ESRRG: variants seen among roughly 807,000 people sequenced by gnomAD.
The protein encoded by ESRRG is estrogen related receptor gamma.
In ESRRG, 13 loss-of-function variants were observed where a neutral mutation model predicts 44.0. That is an observed-to-expected ratio of 0.30 (90% CI 0.19 to 0.47). The LOEUF (loss-of-function observed/expected upper bound fraction) is 0.47, where lower values mean the gene tolerates loss of function less well. ESRRG is among the 20% of genes least tolerant of loss of function. ESRRG has a pLI of 1.00. For synonymous variants in ESRRG, 215 were observed against 214.6 expected, an observed-to-expected ratio of 1.00 and a Z score of -0.02; for missense variants, 395 against 580.6, an observed-to-expected ratio of 0.68 and a Z score of 3.29.
At chr1:216,758,841 T>G (rs558502256) in intron 2 of ESRRG, among the ~76,000 whole-genome samples, 25 of 152,190 alleles carry the variant, frequency 1.6e-4, no homozygotes, top group African/African-American at 6.0e-4. Flanking sequence ...TAATCACTAG[T>G]ATCTTAATAA....
In ESRRG at chr1:216,535,025, G is replaced by A. The variant is rs138351897; in HGVS notation, c.863-15604C>T. ...AAGCAGCAGGATGCATGGAGGCTGA[G>A]TGTGGGGTTGATGACTGACAGAGAG... On this transcript the variant is annotated intron_variant, in intron 5 of 6. Transcript: ENST00000408911. Among the ~76,000 whole-genome samples the A allele has an allele frequency of 8.2e-3, 1,249 of 152,290 alleles. 6 individuals carry two copies. Among genetic ancestry groups the A allele is most frequent in the Non-Finnish European group, 0.01 (712 of 68,026 alleles).
intron 3 of ESRRG, among the ~76,000 whole-genome samples, chr1:216,585,228 G>A (rs981278264): frequency 2.6e-5 from 4 of 152,070 alleles, no homozygotes; most frequent in African/African-American, 9.7e-5. Flanking sequence ...TACATTTAGG[G>A]AAATATGGAA....
At chr1:216,941,400 G>A (rs1007617778) in intron 1 of ESRRG, among the ~76,000 whole-genome samples, 3 of 152,114 alleles carry the variant, frequency 2.0e-5, no homozygotes, top group African/African-American at 7.2e-5. Context: ...CAGTGTGGCC[G>A]TAGATTTCAA....
At chr1:216,763,796 T>C (rs1028802121) in intron 2 of ESRRG, among the ~76,000 whole-genome samples, 1 of 152,152 alleles carries the variant, frequency 6.6e-6, no homozygotes, top group Non-Finnish European at 1.5e-5. Context: ...CTGGGTAAAC[T>C]GCTCAATGTT....
chr1:216,980,997 T>C (rs2073873938), intron 1 of ESRRG, among the ~76,000 whole-genome samples: 1 of 152,156 alleles, frequency 6.6e-6, no homozygotes, highest in Admixed American at 6.5e-5. Flanking sequence ...ATGTTACCTA[T>C]TTGCATCCTT....
intron 1 of ESRRG, among the ~76,000 whole-genome samples, chr1:217,083,550 G>T (rs747451910): frequency 1.3e-5 from 2 of 152,186 alleles, no homozygotes; most frequent in Non-Finnish European, 2.9e-5. Flanking sequence ...CTCTGATGAA[G>T]TGGGTAACTA....
chr1:217,068,414 T>C (rs1384038086), intron 1 of ESRRG, among the ~76,000 whole-genome samples: 1 of 151,758 alleles, frequency 6.6e-6, no homozygotes, highest in Non-Finnish European at 1.5e-5. Context: ...TCTTCATACT[T>C]AATCTCCAGT....
At chr1:216,628,666 A>C (rs1574386139) in intron 3 of ESRRG, among the ~76,000 whole-genome samples, 1 of 152,308 alleles carries the variant, frequency 6.6e-6, no homozygotes, top group Middle Eastern at 3.4e-3. Context: ...TGATGCCAAC[A>C]CCATTGGCTC....
chr1:216,742,529 T>C (rs1015354717), intron 2 of ESRRG, among the ~76,000 whole-genome samples: 2 of 151,994 alleles, frequency 1.3e-5, no homozygotes, highest in African/African-American at 4.8e-5. Context: ...AACTGACTAG[T>C]AAATATTTCT....
intron 2 of ESRRG, among the ~76,000 whole-genome samples, chr1:216,654,162 T>A (rs2069793892): frequency 6.6e-6 from 1 of 151,378 alleles, no homozygotes; most frequent in African/African-American, 2.4e-5. Context: ...AAGTAATATA[T>A]AAGTAAAAGA....
intron 2 of ESRRG, among the ~76,000 whole-genome samples, chr1:216,788,311 G>A (rs1003268929): frequency 6.6e-6 from 1 of 152,008 alleles, no homozygotes; most frequent in African/African-American, 2.4e-5. Flanking sequence ...TAATACAGTT[G>A]GTGATTTTAA....
At chr1:216,732,855 G>C (rs1348138797) in intron 2 of ESRRG, among the ~76,000 whole-genome samples, 1 of 146,030 alleles carries the variant, frequency 6.8e-6, no homozygotes, top group Non-Finnish European at 1.5e-5. Context: ...AAAAAGGGGG[G>C]GGAGGAGGGG....
intron 2 of ESRRG, among the ~76,000 whole-genome samples, chr1:216,659,238 T>G (rs2151193181): frequency 6.6e-6 from 1 of 152,298 alleles, no homozygotes; most frequent in Admixed American, 6.5e-5. Context: ...TAAAACCACC[T>G]TCCTCAGATT....
intron 1 of ESRRG, among the ~76,000 whole-genome samples, chr1:216,700,955 G>A (rs1327560952): frequency 6.6e-6 from 1 of 152,140 alleles, no homozygotes; most frequent in African/African-American, 2.4e-5. Flanking sequence ...AGTCACACAT[G>A]CAAAAGAAAT....
chr1:216,832,932 G>A (rs556531499), intron 2 of ESRRG, among the ~76,000 whole-genome samples: 23 of 150,690 alleles, frequency 1.5e-4, no homozygotes, highest in South Asian at 2.1e-4. Flanking sequence ...CCGAGATTGC[G>A]CCACCACACT....
chr1:216,647,000 A>G (rs1422428128), intron 3 of ESRRG, among the ~76,000 whole-genome samples: 3 of 152,156 alleles, frequency 2.0e-5, no homozygotes, highest in African/African-American at 4.8e-5. Context: ...AGTGAATTCT[A>G]TACCTAAATG....
chr1:216,835,737 G>C (rs767644451), intron 2 of ESRRG, among the ~76,000 whole-genome samples: 3 of 152,122 alleles, frequency 2.0e-5, no homozygotes, highest in Non-Finnish European at 2.9e-5. Flanking sequence ...ACGACTTCCA[G>C]TCTCTTAAAA....
intron 1 of ESRRG, among the ~76,000 whole-genome samples, chr1:216,960,218 T>C (rs2068760525): frequency 6.6e-6 from 1 of 152,196 alleles, no homozygotes; most frequent in Non-Finnish European, 1.5e-5. Flanking sequence ...TTTCTTTTTG[T>C]AATCATTAGC....
intron 5 of ESRRG, among the ~76,000 whole-genome samples, chr1:216,534,033 G>T (rs1344063401): frequency 6.6e-6 from 1 of 152,010 alleles, no homozygotes; most frequent in Admixed American, 6.6e-5. Flanking sequence ...ATCCAGGCGA[G>T]GCAGCTATAA....
Sources: gnomAD v4.1 joint callset for allele counts (sites outside exome capture counted in the v4.1 genomes callset) on GRCh38, gnomAD v4.1.1 for gene constraint, MANE v1.5 for transcripts, NCBI Gene and HGNC (gene_info 2026-07-23, HGNC 2026-07-21) for gene names.